The following MAP3K4 variants were observed in gnomAD, a reference collection of about 807,000 sequenced individuals.
MAP3K4 encodes mitogen-activated protein kinase kinase kinase 4.
Under a neutral mutation model 185.6 loss-of-function variants are expected in MAP3K4, and 67 were observed. The ratio of observed to expected loss-of-function variants is 0.36; its 90% CI spans 0.30 to 0.44. MAP3K4 has a LOEUF of 0.44. MAP3K4 is among the 20% of genes least tolerant of loss of function. The pLI is 1.00. For missense variants in MAP3K4, 1,551 were observed against 1,995.1 expected (o/e 0.78, Z 4.24); for synonymous variants, 702 against 710.4 (o/e 0.99, Z 0.19).
In MAP3K4 at chr6:161,088,015, T is replaced by A; in HGVS notation, c.2823+61T>A. ...TCAAGGACTTTTAGTAAGAATGAAC[T>A]GTTAGCTGCTCATGAATGAGGGGTT... On this transcript the variant is annotated intron_variant, in intron 10 of 26. Transcript: ENST00000392142. This position sits in a 1 kb window ranked among gnomAD's most constrained non-coding sequence, Gnocchi z 4.5. 1 of 1,517,900 alleles carries A rather than the reference T, an allele frequency of 6.6e-7. No homozygotes were observed. Among genetic ancestry groups the A allele is most frequent in the Non-Finnish European group, 8.9e-7 (1 of 1,128,976 alleles). 94.0% of individuals were successfully genotyped at this position (1,517,900 alleles called of 1,614,324 possible). A position where few individuals can be genotyped will look rare whatever the true frequency, so the allele number is the denominator to read the frequency against.
chr6:161,012,345 C>G (rs1382486488), intron 1 of MAP3K4, among the ~76,000 whole-genome samples: 1 of 152,172 alleles, frequency 6.6e-6, no homozygotes, highest in Non-Finnish European at 1.5e-5. Flanking sequence ...AGTGGTGTTT[C>G]TCTTGGGAAT....
rs751382951 is a variant in MAP3K4, at chr6:161,037,299, A to C, written c.343+2850A>C. Among the ~76,000 whole-genome samples the C allele has an allele frequency of 6.6e-6, 1 of 152,218 alleles. No homozygotes were observed. The highest frequency in any genetic ancestry group is 1.5e-5 in the Non-Finnish European group (1 of 68,052). ...CCCGGACTCCAGTCCTGGTTCCGCT[A>C]TCTTCTGCGTATGCAGCCTCCATAT... On this transcript the variant is annotated intron_variant, in intron 2 of 26. Transcript: ENST00000392142. The surrounding 1 kb of genome is among the most constrained non-coding windows in gnomAD (Gnocchi z 4.2).
chr6:161,109,519 G>T lies in MAP3K4; in HGVS notation c.4237-236G>T, dbSNP rs994212510. ...AGAAATTGATCCCCTGTGATTTGGA[G>T]ATGTTCTTATCCCCAAGAGCTGTAT... On this transcript the variant is annotated intron_variant, in intron 22 of 26. Transcript: ENST00000392142. The surrounding 1 kb of genome is among the most constrained non-coding windows in gnomAD (Gnocchi z 5.7). Among the ~76,000 whole-genome samples, 4 of 152,166 alleles carry T rather than the reference G, an allele frequency of 2.6e-5. No individual in the cohort carries two copies. Among genetic ancestry groups the T allele is most frequent in the South Asian group, 2.1e-4 (1 of 4,826 alleles).
intron 2 of MAP3K4, among the ~76,000 whole-genome samples, chr6:161,035,554 C>A (rs1783125669): frequency 6.6e-6 from 1 of 152,176 alleles, no homozygotes; most frequent in South Asian, 2.1e-4. Flanking sequence ...GTCTTTCCCA[C>A]AAATGATTTT....
chr6:161,026,396 A>G (rs1782661075), intron 1 of MAP3K4, among the ~76,000 whole-genome samples: 1 of 151,928 alleles, frequency 6.6e-6, no homozygotes, highest in South Asian at 2.1e-4. Context: ...TGGCCTCCCA[A>G]AGTGCTGGGA....
Position 161,116,191 on chromosome 6 carries a change from G to A in MAP3K4, c.4807-659G>A. 6.6e-6 allele frequency among the ~76,000 whole-genome samples: 1 copy of A among 151,190 alleles called. No individual in the cohort carries two copies. The highest frequency in any genetic ancestry group is 2.4e-5 in the African/African-American group (1 of 41,236). On this transcript the variant is annotated intron_variant, in intron 26 of 26. Transcript: ENST00000392142. The surrounding 1 kb of genome is among the most constrained non-coding windows in gnomAD (Gnocchi z 6.2). ...GACTCTATTTGCCAGGGTAGGGAAA[G>A]AAGCAGCTGGGTGAGGGGTGGGTCG...
intron 1 of MAP3K4, among the ~76,000 whole-genome samples, chr6:161,000,710 A>G (rs1363942130): frequency 1.3e-5 from 2 of 151,906 alleles, no homozygotes; most frequent in East Asian, 3.9e-4. Context: ...ATATATGTGT[A>G]CACCATATAT....
Position 160,991,785 on chromosome 6 carries a change from T to C in MAP3K4, c.-147T>C, listed in dbSNP as rs1379894325. Reference sequence around the variant, plus strand: ...AGCCCCGGCGCTCGGCCGGTCGCCGTTTCCAAGATGGCCGCGGCGCGCACG... The same window carrying C: ...AGCCCCGGCGCTCGGCCGGTCGCCGCTTCCAAGATGGCCGCGGCGCGCACG... On this transcript the variant is annotated 5_prime_UTR_variant, in exon 1 of 27. Transcript: ENST00000392142. The surrounding 1 kb of genome is among the most constrained non-coding windows in gnomAD (Gnocchi z 5.7). 3.3e-6 allele frequency: 3 copies of C among 922,206 alleles called. No homozygotes were observed. The Admixed American group carries it at 1.3e-4, about 40-fold the overall frequency. The allele number at this position is 922,206 out of a possible 1,614,324, so 57.1% of individuals were successfully genotyped here. A position where few individuals can be genotyped will look rare whatever the true frequency, so the allele number is the denominator to read the frequency against.
At chr6:161,028,078 A>G (rs1782754947) in intron 1 of MAP3K4, among the ~76,000 whole-genome samples, 1 of 152,186 alleles carries the variant, frequency 6.6e-6, no homozygotes, top group Non-Finnish European at 1.5e-5. Context: ...CATTTTTGCT[A>G]CATTGCTTGG....
At position 161,031,553 on chromosome 6, in the gene MAP3K4, C is replaced by T. The variant is rs1018828418; in HGVS notation, c.153-2706C>T. Among the ~76,000 whole-genome samples the T allele has an allele frequency of 3.3e-5, 5 of 152,182 alleles. No homozygotes were observed. In the South Asian group the frequency reaches 6.2e-4, roughly 19 times the overall value. ...TTTTAGATCGTGACGCTCCTCAGGT[C>T]GGGGGGCTTGATATTTGGATCACTG... On this transcript the variant is annotated intron_variant, in intron 1 of 26. Coordinates refer to ENST00000392142, the MANE Select transcript of MAP3K4 (RefSeq NM_005922.4).
At chr6:161,045,130 A>G (rs1330279359) in intron 2 of MAP3K4, among the ~76,000 whole-genome samples, 1 of 152,192 alleles carries the variant, frequency 6.6e-6, no homozygotes, top group East Asian at 1.9e-4. Context: ...GAGTTTGTCT[A>G]TTTTAAGTTC....
Position 161,049,396 on chromosome 6 carries a change from A to G in MAP3K4, c.1124A>G (p.Gln375Arg), listed in dbSNP as rs1448621808. Residue 375 changes from glutamine to arginine, a missense_variant, in exon 3 of 27, where the codon CAG (glutamine) becomes CGG (arginine). Transcript: ENST00000392142. The surrounding 1 kb of genome is among the most constrained non-coding windows in gnomAD (Gnocchi z 8.4). ...CTTTATCCATCATTGCAGGCTCTTC[A>G]GAAGGACTATGAAAAATATGCTGCA... ...EALYPSLQAL[Q>R]KDYEKYAAKD... The G allele has an allele frequency of 6.2e-7, 1 of 1,614,056 alleles. No homozygotes were observed. The highest frequency in any genetic ancestry group is 8.5e-7 in the Non-Finnish European group (1 of 1,180,022).
At chr6:161,057,737 A>G (rs1784308158) in intron 3 of MAP3K4, among the ~76,000 whole-genome samples, 1 of 152,206 alleles carries the variant, frequency 6.6e-6, no homozygotes. Context: ...GTTAGAGTTA[A>G]CTTATTACTT....
At chr6:161,081,147 C>G (rs1487732527) in intron 6 of MAP3K4, 109 bp downstream of exon 6, 1 of 1,239,698 alleles carries the variant, frequency 8.1e-7, no homozygotes, top group African/African-American at 1.5e-5. Context: ...ATGAAAATTG[C>G]AGTTATCCAT....
At chr6:161,105,284 A>T (rs1165823532) in intron 19 of MAP3K4, among the ~76,000 whole-genome samples, 1 of 152,246 alleles carries the variant, frequency 6.6e-6, no homozygotes, top group East Asian at 1.9e-4. Flanking sequence ...AATGAGGAAT[A>T]ATGGCAATAG....
intron 1 of MAP3K4, among the ~76,000 whole-genome samples, chr6:161,015,982 G>A (rs937750720): frequency 6.6e-6 from 1 of 152,070 alleles, no homozygotes; most frequent in African/African-American, 2.4e-5. Flanking sequence ...TTCACCTTTT[G>A]GTTATTATAA....
At chr6:161,092,916 T>C in intron 13 of MAP3K4, 62 bp from the exon 14 acceptor site, 2 of 985,148 alleles carry the variant, frequency 2.0e-6, no homozygotes, top group Non-Finnish European at 3.3e-6. Flanking sequence ...TATTGTACAG[T>C]CTAAAACTGC....
rs73784712 is a variant in MAP3K4 at position 161,018,234 on chromosome 6, C to T, written c.153-16025C>T. Reference sequence around the variant, plus strand: ...GGAGTTCTGGAGAGGAAGGAGTGATCTAGAAAAAGAGCTCCAGAAAATTTA... The same window carrying T: ...GGAGTTCTGGAGAGGAAGGAGTGATTTAGAAAAAGAGCTCCAGAAAATTTA... On this transcript the variant is annotated intron_variant, in intron 1 of 26. Coordinates refer to ENST00000392142, the MANE Select transcript of MAP3K4 (RefSeq NM_005922.4). 6.5e-3 allele frequency among the ~76,000 whole-genome samples: 991 copies of T among 152,178 alleles called. 10 individuals carry two copies. The highest frequency in any genetic ancestry group is 0.065 in the Middle Eastern group (19 of 294).
chr6:161,012,949 T>C (rs4709485), intron 1 of MAP3K4, among the ~76,000 whole-genome samples: 101,985 of 152,026 alleles, frequency 0.67, 35,258 homozygotes, highest in Admixed American at 0.76. Context: ...AGCTGGAAGT[T>C]ACTACCAGTT....
Sources: gnomAD v4.1 joint callset for allele counts (sites outside exome capture counted in the v4.1 genomes callset) on GRCh38, gnomAD v4.1.1 for gene constraint, Gnocchi (gnomAD v3.1) non-coding constraint, MANE v1.5 for transcripts, NCBI Gene and HGNC (gene_info 2026-07-23, HGNC 2026-07-21) for gene names.